OTUD4: variants seen among roughly 807,000 people sequenced by gnomAD.
The protein encoded by OTUD4 is OTU domain-containing protein 4.
OTUD4 carries 24 observed loss-of-function variants against 130.4 expected under a neutral mutation model. The ratio of observed to expected loss-of-function variants is 0.18; its 90% confidence interval spans 0.13 to 0.26. The LOEUF (loss-of-function observed/expected upper bound fraction) is 0.26, where lower values mean the gene tolerates loss of function less well. Ranked by LOEUF, OTUD4 falls within the 10% of genes least tolerant of loss-of-function variation. OTUD4 has a pLI of 1.00. For missense variants in OTUD4, 1,031 were observed against 1,329.4 expected (o/e 0.78, Z 3.49); for synonymous variants, 420 against 472.5 (o/e 0.89, Z 1.44).
intron 7 of OTUD4, among the ~76,000 whole-genome samples, chr4:145,158,805 T>A (rs1751421850): frequency 6.6e-6 from 1 of 152,198 alleles, no homozygotes; most frequent in African/African-American, 2.4e-5. Context: ...CTATCTCAGA[T>A]TGAATCTCAT....
chr4:145,164,352 G>A (rs1310633436), intron 4 of OTUD4, 126 bp from the exon 5 acceptor site: 1 of 425,718 alleles, frequency 2.3e-6, no homozygotes, highest in Middle Eastern at 6.4e-4. Context: ...AGATACAAAA[G>A]ACAATAATGA....
Position 145,179,772 on chromosome 4 carries a change from T to TCC in OTUD4, c.159+41_159+42dup, listed in dbSNP as rs1561005359. ...CTCCCCACCCAGACCCGCCGGGCCG[T>TCC]CCCCGCCTCCCCTCGAAGCCCTCCC... On this transcript the variant is annotated intron_variant, in intron 1 of 20. Transcript: ENST00000447906. 28 of 788,402 alleles carry TCC rather than the reference T, an allele frequency of 3.6e-5. 1 individual carries two copies. Among genetic ancestry groups the TCC allele is most frequent in the Admixed American group, 1.5e-4 (5 of 34,394 alleles). 48.8% of individuals were successfully genotyped at this position (788,402 alleles called of 1,614,324 possible). A position where few individuals can be genotyped will look rare whatever the true frequency, so the allele number is the denominator to read the frequency against.
At chr4:145,168,808 A>G (rs1383380556) in intron 3 of OTUD4, among the ~76,000 whole-genome samples, 1 of 152,264 alleles carries the variant, frequency 6.6e-6, no homozygotes, top group East Asian at 1.9e-4. Flanking sequence ...TATTAATCCA[A>G]GAAAAAAGAA....
intron 5 of OTUD4, among the ~76,000 whole-genome samples, chr4:145,163,085 A>G (rs1190206649): frequency 6.6e-6 from 1 of 152,272 alleles, no homozygotes; most frequent in Non-Finnish European, 1.5e-5. Context: ...AAGCAAAATC[A>G]AAGTTAAATT....
intron 14 of OTUD4, among the ~76,000 whole-genome samples, chr4:145,144,651 T>G (rs927711268): frequency 6.6e-6 from 1 of 152,122 alleles, no homozygotes; most frequent in Non-Finnish European, 1.5e-5. Context: ...GATTAAGCAA[T>G]CAGATTTCAA....
intron 5 of OTUD4, among the ~76,000 whole-genome samples, chr4:145,163,025 T>G (rs1312964034): frequency 6.6e-6 from 1 of 151,996 alleles, no homozygotes; most frequent in Non-Finnish European, 1.5e-5. Context: ...TGTAAGAAAA[T>G]ATTTCAAAAC....
Position 145,144,127 on chromosome 4 carries a change from T to C in OTUD4, c.1547-126A>G, listed in dbSNP as rs1321930464. The C allele has an allele frequency of 2.9e-6, 3 of 1,044,796 alleles. No homozygotes were observed. In the Admixed American group the frequency reaches 6.5e-5, roughly 23 times the overall value. The allele number at this position is 1,044,796 out of a possible 1,614,324, so 64.7% of individuals were successfully genotyped here. ...GAACCATGTTTAGTCAGTGAAAATG[T>C]AGTTTTTAGAATAGCACTTAACATC... On this transcript the variant is annotated intron_variant, in intron 15 of 20. Transcript: ENST00000447906.
rs1266829618 is a variant in OTUD4 at position 145,143,350 on chromosome 4, C to T, written c.1683+15G>A. On this transcript the variant is annotated intron_variant, in intron 17 of 20. Transcript: ENST00000447906. ...AGAGTGGAGCATTCAATGTTAAATG[C>T]AACAATATACTTACTTGTTCCGCAG... The T allele has an allele frequency of 6.5e-7, 1 of 1,533,036 alleles. No homozygotes were observed. The highest frequency in any genetic ancestry group is 9.0e-7 in the Non-Finnish European group (1 of 1,107,536). 95.0% of individuals were successfully genotyped at this position (1,533,036 alleles called of 1,614,324 possible). A position where few individuals can be genotyped will look rare whatever the true frequency, so the allele number is the denominator to read the frequency against.
At chr4:145,153,552 A>G (rs1579260537) in intron 10 of OTUD4, among the ~76,000 whole-genome samples, 1 of 152,198 alleles carries the variant, frequency 6.6e-6, no homozygotes, top group Non-Finnish European at 1.5e-5. Flanking sequence ...CATTTTTCCT[A>G]TATTAAAAAT....
At position 145,135,604 on chromosome 4, in the gene OTUD4, C is replaced by T. The variant is rs544198651; in HGVS notation, c.*1826G>A. On this transcript the variant is annotated 3_prime_UTR_variant, in exon 21 of 21. Coordinates refer to ENST00000447906, the MANE Select transcript of OTUD4 (RefSeq NM_001366057.1). ...AAAATGGCTTAAGCGGTACCTTCAA[C>T]AACTATTCTAGTTAAGAAGGTGACA... The T allele has an allele frequency of 6.6e-6, 1 of 152,600 alleles. No homozygotes were observed. Among genetic ancestry groups the T allele is most frequent in the African/African-American group, 2.4e-5 (1 of 41,476 alleles). The allele number at this position is 152,600 out of a possible 1,614,324, so 9.5% of individuals were successfully genotyped here.
chr4:145,179,739 G>A lies in OTUD4; in HGVS notation c.159+76C>T, dbSNP rs1579300630. 4 of 1,435,284 alleles carry A rather than the reference G, an allele frequency of 2.8e-6. No homozygotes were observed. In the East Asian group the frequency reaches 1.2e-4, roughly 44 times the overall value. The allele number at this position is 1,435,284 out of a possible 1,614,324, so 88.9% of individuals were successfully genotyped here. On this transcript the variant is annotated intron_variant, in intron 1 of 20. Transcript: ENST00000447906. ...CGGCCGTGGGCGGCCCGGACAGCCC[G>A]CAGCTGCCTCCCCACCCAGACCCGC...
Position 145,155,659 on chromosome 4 carries a change from T to C in OTUD4, c.718A>G (p.Ser240Gly). 1.2e-6 allele frequency: 2 copies of C among 1,610,178 alleles called. No homozygotes were observed. The highest frequency in any genetic ancestry group is 1.3e-5 in the African/African-American group (1 of 74,902). Residue 240 changes from serine to glycine, a missense_variant, in exon 9 of 21, where the codon AGC becomes GGC. This residue lies in a region of OTUD4 where 900 missense variants were observed against 1,095.9 expected (regional missense o/e 0.82). Transcript: ENST00000447906. Reference protein sequence around the residue: ...EQLKNNGNSTSLPLSRKVLKS... With the variant: ...EQLKNNGNSTGLPLSRKVLKS... ...AGAACCTTTCTAGACAAAGGCAGGC[T>C]AGTAGAGTTCCCATTGTTCTTCAGC...
At chr4:145,170,488 T>C (rs529255997) in intron 3 of OTUD4, among the ~76,000 whole-genome samples, 16 of 152,378 alleles carry the variant, frequency 1.1e-4, no homozygotes, top group African/African-American at 3.8e-4. Flanking sequence ...TCTCCAAGTG[T>C]TGCTTTGTCT....
chr4:145,159,649 C>CA lies in OTUD4; in HGVS notation c.497-15dup, dbSNP rs757620828. 3 of 1,610,320 alleles carry CA rather than the reference C, an allele frequency of 1.9e-6. No homozygotes were observed. The African/African-American group carries it at 4.0e-5, about 22-fold the overall frequency. Reference sequence around the variant, plus strand: ...CATAAAGGAGAGCTGCAATTAATGACAGACAGATTTTCCAACATTAACTAC... The same window carrying CA: ...CATAAAGGAGAGCTGCAATTAATGACAAGACAGATTTTCCAACATTAACTAC... On this transcript the variant is annotated splice_polypyrimidine_tract_variant and intron_variant, in intron 6 of 20. Coordinates refer to ENST00000447906, the MANE Select transcript of OTUD4 (RefSeq NM_001366057.1).
intron 6 of OTUD4, among the ~76,000 whole-genome samples, chr4:145,162,063 C>G (rs1751598873): frequency 6.6e-6 from 1 of 152,168 alleles, no homozygotes; most frequent in South Asian, 2.1e-4. Flanking sequence ...GCCTTGACTT[C>G]CTGGGCTCAA....
At position 145,134,505 on chromosome 4, in the gene OTUD4, A is replaced by G. The variant is rs1282573308; in HGVS notation, c.*2925T>C. 5.1e-6 allele frequency: 2 copies of G among 392,722 alleles called. No homozygotes were observed. The highest frequency in any genetic ancestry group is 4.1e-5 in the African/African-American group (2 of 48,668). The allele number at this position is 392,722 out of a possible 1,614,324, so 24.3% of individuals were successfully genotyped here. A position where few individuals can be genotyped will look rare whatever the true frequency, so the allele number is the denominator to read the frequency against. On this transcript the variant is annotated 3_prime_UTR_variant, in exon 21 of 21. Transcript: ENST00000447906. ...CCAAGTCAATCATAAGCAAGTTTGC[A>G]GTTCACAGGCATTTTAATTCAACCT...
rs1277079901 is a variant in OTUD4, at chr4:145,137,245, C to CA, written c.*184dup. ...TCTGAATGAAGAAAACTGGCAATGC[C>CA]AGGAATTAACCTGCCCCCTTGAACT... On this transcript the variant is annotated 3_prime_UTR_variant, in exon 21 of 21. Transcript: ENST00000447906. The CA allele has an allele frequency of 1.1e-5, 5 of 471,530 alleles. No individual in the cohort carries two copies. The highest frequency in any genetic ancestry group is 1.9e-5 in the Non-Finnish European group (5 of 269,176). 29.2% of individuals were successfully genotyped at this position (471,530 alleles called of 1,614,324 possible).
intron 11 of OTUD4, 87 bp from the exon 12 acceptor site, chr4:145,150,992 A>G (rs1751040806): frequency 2.7e-6 from 2 of 732,332 alleles, no homozygotes; most frequent in South Asian, 3.4e-5. Context: ...AGCTTATATA[A>G]GAATTTCTAG....
intron 1 of OTUD4, among the ~76,000 whole-genome samples, chr4:145,176,952 T>G (rs973270118): frequency 8.5e-5 from 13 of 152,366 alleles, no homozygotes; most frequent in Middle Eastern, 3.4e-3. Flanking sequence ...GGTTTTCAGT[T>G]TAACTGATTC....
Sources: gnomAD v4.1 joint callset for allele counts (sites outside exome capture counted in the v4.1 genomes callset) on GRCh38, gnomAD v4.1.1 for gene constraint, gnomAD v4.1.1 regional missense constraint, MANE v1.5 for transcripts, NCBI Gene and HGNC (gene_info 2026-07-23, HGNC 2026-07-21) for gene names.